The following LRRFIP2 variants were observed in gnomAD, a reference collection of about 807,000 sequenced individuals.
LRRFIP2 encodes the protein leucine-rich repeat flightless-interacting protein 2.
LRRFIP2 carries 109 observed loss-of-function variants against 125.9 expected under a neutral mutation model. The observed-to-expected ratio is 0.87, with a 90% confidence interval of 0.74 to 1.01. The LOEUF (loss-of-function observed/expected upper bound fraction) is 1.01. LRRFIP2 is among the 50% of genes least tolerant of loss of function. LRRFIP2 has a pLI of 0.00. For missense variants in LRRFIP2, 850 were observed against 862.3 expected (o/e 0.99, Z 0.18); for synonymous variants, 291 against 293.1 (o/e 0.99, Z 0.07).
At chr3:37,157,722 T>C (rs2096239930) in intron 1 of LRRFIP2, among the ~76,000 whole-genome samples, 1 of 151,996 alleles carries the variant, frequency 6.6e-6, no homozygotes, top group Non-Finnish European at 1.5e-5. Flanking sequence ...GAAAAAAATA[T>C]ATACAGGCAA....
Position 37,110,999 on chromosome 3 carries a change from A to G in LRRFIP2, c.505T>C (p.Tyr169His). The change falls in exon 9 of 28, where the codon TAC becomes CAC. Residue 169 changes from tyrosine to histidine, a missense_variant. By Grantham distance (83) the Tyr-to-His change is moderately conservative. Coordinates refer to ENST00000336686, the MANE Select transcript of LRRFIP2 (RefSeq NM_006309.4). Reference protein sequence around the residue: ...LRHSKPTSAYYTRQSSSLYSD... With the variant: ...LRHSKPTSAYHTRQSSSLYSD... The stretch of plus-strand genomic sequence containing the variant: ...AAAAAGTTTAGACAAACCCGAGTGT[A>G]GTAGGCAGAGGTGGGTTTGCTATGT... The G allele has an allele frequency of 6.2e-7, 1 of 1,613,736 alleles. No homozygotes were observed. The highest frequency in any genetic ancestry group is 8.5e-7 in the Non-Finnish European group (1 of 1,179,764).
intron 1 of LRRFIP2, among the ~76,000 whole-genome samples, chr3:37,164,518 G>C (rs533374704): frequency 1.3e-5 from 2 of 152,204 alleles, no homozygotes; most frequent in East Asian, 3.9e-4. Flanking sequence ...AGGAGTTCGA[G>C]ATCAGCCTGA....
chr3:37,123,291 C>CAATTGCTCG (rs1233082862), intron 4 of LRRFIP2, among the ~76,000 whole-genome samples: 1 of 152,138 alleles, frequency 6.6e-6, no homozygotes, highest in Non-Finnish European at 1.5e-5. Flanking sequence ...TGGATTCGAG[C>CAATTGCTCG]AATTCTCGTG....
chr3:37,072,858 T>C lies in LRRFIP2; in HGVS notation c.1396A>G (p.Ile466Val), dbSNP rs758775877. The C allele has an allele frequency of 1.2e-5, 20 of 1,612,706 alleles. No individual in the cohort carries two copies. In the East Asian group the frequency reaches 4.2e-4, roughly 34 times the overall value. ...AACACCTCTTTTGTCATGGTGTCTA[T>C]TTTCTGCTGCATGCGCTGCTTCTCC... Reference protein sequence around the residue: ...IEEKQRMQQKIDTMTKEVFDL... With the variant: ...IEEKQRMQQKVDTMTKEVFDL... Residue 466 changes from isoleucine (I) to valine (V), a missense_variant, in exon 21 of 28, where the codon ATA (isoleucine) becomes GTA (valine). Ile to Val is a conservative substitution (Grantham distance 29). Transcript: ENST00000336686.
At chr3:37,138,603 G>A (rs1442037530) in intron 2 of LRRFIP2, among the ~76,000 whole-genome samples, 1 of 152,148 alleles carries the variant, frequency 6.6e-6, no homozygotes, top group African/African-American at 2.4e-5. Context: ...GCCTGAAACT[G>A]CAGATAGTAC....
chr3:37,121,511 C>A lies in LRRFIP2; in HGVS notation c.311G>T (p.Arg104Leu). The A allele has an allele frequency of 6.2e-7, 1 of 1,613,936 alleles. No homozygotes were observed. The highest frequency in any genetic ancestry group is 8.5e-7 in the Non-Finnish European group (1 of 1,179,900). ...YLGVEDALSI[R>L]SVGSHRYDMF... is the part of the protein sequence containing the mutation. ...ACCAACCCTGTGACTGCCAACACTTCGAATGGACAATGCATCCTCAACTCC... is the reference window on the plus strand; with the variant it reads ...ACCAACCCTGTGACTGCCAACACTTAGAATGGACAATGCATCCTCAACTCC... The change falls in exon 6 of 28, where the codon CGA becomes CTA. Residue 104 changes from arginine (R) to leucine (L), a missense_variant. Arg to Leu is a moderately radical substitution (Grantham distance 102). Transcript: ENST00000336686.
chr3:37,090,202 G>A (rs1056854445), intron 18 of LRRFIP2, among the ~76,000 whole-genome samples: 9 of 149,492 alleles, frequency 6.0e-5, no homozygotes, highest in African/African-American at 2.2e-4. Flanking sequence ...TAGAGGTGTA[G>A]TGTGTATTTT....
intron 8 of LRRFIP2, among the ~76,000 whole-genome samples, chr3:37,111,514 A>G (rs1183842971): frequency 2.0e-5 from 3 of 152,252 alleles, no homozygotes; most frequent in Admixed American, 1.3e-4. Flanking sequence ...AGAGAGTACG[A>G]TAAATATGGT....
chr3:37,115,363 T>C (rs1447743520), intron 6 of LRRFIP2, among the ~76,000 whole-genome samples: 1 of 152,242 alleles, frequency 6.6e-6, no homozygotes, highest in African/African-American at 2.4e-5. Flanking sequence ...AATAGTGATA[T>C]GATTCAATCT....
At chr3:37,069,814 T>C (rs960934021) in intron 21 of LRRFIP2, among the ~76,000 whole-genome samples, 1 of 152,214 alleles carries the variant, frequency 6.6e-6, no homozygotes, top group Non-Finnish European at 1.5e-5. Context: ...TGAAAAGGGA[T>C]AATTCCAAAA....
At chr3:37,101,379 T>C (rs1453579567) in intron 15 of LRRFIP2, among the ~76,000 whole-genome samples, 1 of 144,392 alleles carries the variant, frequency 6.9e-6, no homozygotes, top group East Asian at 2.0e-4. Context: ...AAGAAAGAAA[T>C]GTTGGCCAGA....
In LRRFIP2 at chr3:37,141,174, C is replaced by G. The variant is rs2095688321; in HGVS notation, c.90+7720G>C. Among the ~76,000 whole-genome samples, 4 of 152,154 alleles carry G rather than the reference C, an allele frequency of 2.6e-5. No individual in the cohort carries two copies. The South Asian group carries it at 8.3e-4, about 31-fold the overall frequency. The stretch of plus-strand genomic sequence containing the variant: ...TCAAAAAATAAATGGAAAACTATAA[C>G]AGCTTCCTGTTTTCTGCCTTCTACC... On this transcript the variant is annotated intron_variant, in intron 2 of 27. Coordinates refer to ENST00000336686, the MANE Select transcript of LRRFIP2 (RefSeq NM_006309.4).
At chr3:37,100,379 T>TATAC (rs886966311) in intron 15 of LRRFIP2, among the ~76,000 whole-genome samples, 14 of 149,548 alleles carry the variant, frequency 9.4e-5, no homozygotes, top group African/African-American at 2.8e-4. Context: ...TACATACATG[T>TATAC]ATACATACAT....
intron 16 of LRRFIP2, 48 bp downstream of exon 16, chr3:37,096,568 C>T: frequency 8.8e-7 from 1 of 1,136,236 alleles, no homozygotes; most frequent in Non-Finnish European, 1.3e-6. Flanking sequence ...TTACAGATAG[C>T]AAGTTTAATT....
intron 1 of LRRFIP2, among the ~76,000 whole-genome samples, chr3:37,152,162 C>G (rs554642044): frequency 5.9e-5 from 9 of 152,280 alleles, no homozygotes; most frequent in African/African-American, 2.2e-4. Flanking sequence ...ATGTCTCTTG[C>G]AGTGACTTGG....
At chr3:37,121,738 T>C in intron 4 of LRRFIP2, 47 bp from the exon 5 acceptor site, 1 of 1,577,958 alleles carries the variant, frequency 6.3e-7, no homozygotes, top group Non-Finnish European at 8.7e-7. Flanking sequence ...GAATAGACAG[T>C]TGTTTATCAG....
intron 1 of LRRFIP2, among the ~76,000 whole-genome samples, chr3:37,165,977 T>C (rs2096481080): frequency 6.6e-6 from 1 of 152,114 alleles, no homozygotes; most frequent in Non-Finnish European, 1.5e-5. Flanking sequence ...AATTTGGCAA[T>C]GATTTCTTGG....
chr3:37,089,767 T>C (rs1340140849), intron 18 of LRRFIP2, among the ~76,000 whole-genome samples: 1 of 151,680 alleles, frequency 6.6e-6, no homozygotes, highest in Non-Finnish European at 1.5e-5. Context: ...GATACACTGT[T>C]ACACATGTGA....
rs534772915 is a variant in LRRFIP2 at position 37,061,136 on chromosome 3, C to T, written c.1750-2226G>A. Among the ~76,000 whole-genome samples the T allele has an allele frequency of 9.9e-5, 15 of 152,264 alleles. No individual in the cohort carries two copies. The South Asian group carries it at 2.7e-3, about 27-fold the overall frequency. ...CTCCCCACTCTCTCTGGCTTCCGCTCGAGATATGACGTGCCTGCTGCCCCT... is the reference window on the plus strand; with the variant it reads ...CTCCCCACTCTCTCTGGCTTCCGCTTGAGATATGACGTGCCTGCTGCCCCT... On this transcript the variant is annotated intron_variant, in intron 24 of 27. Transcript: ENST00000336686.
Sources: allele counts gnomAD v4.1 joint callset (sites outside exome capture counted in the v4.1 genomes callset), GRCh38; gene constraint gnomAD v4.1.1; transcripts MANE v1.5; gene names NCBI Gene and HGNC (gene_info 2026-07-23, HGNC 2026-07-21).